Variants in KCNK2 observed in about 807,000 individuals in gnomAD.
KCNK2 encodes potassium two pore domain channel subfamily K member 2, also known as potassium channel subfamily K member 2.
KCNK2 carries 21 observed loss-of-function variants against 40.5 expected under a neutral mutation model. The ratio of observed to expected loss-of-function variants is 0.52; its 90% CI spans 0.37 to 0.75. The LOEUF (loss-of-function observed/expected upper bound fraction) is 0.75, where lower values mean the gene tolerates loss of function less well. Ranked by LOEUF, KCNK2 falls within the 30% of genes least tolerant of loss-of-function variation. The pLI is 0.00. For synonymous variants in KCNK2, 191 were observed against 202.2 expected, an observed-to-expected ratio of 0.94 and a Z score of 0.47; for missense variants, 399 against 531.6, an observed-to-expected ratio of 0.75 and a Z score of 2.45.
At chr1:215,037,814 G>A (rs925687137) in intron 1 of KCNK2, among the ~76,000 whole-genome samples, 3 of 151,450 alleles carry the variant, frequency 2.0e-5, no homozygotes, top group Admixed American at 1.3e-4. Flanking sequence ...AAATTGACTG[G>A]CATTGTTTTT....
chr1:215,201,125 G>A (rs1298879967), intron 6 of KCNK2, among the ~76,000 whole-genome samples: 1 of 152,142 alleles, frequency 6.6e-6, no homozygotes, highest in Admixed American at 6.6e-5. Flanking sequence ...GGTGTGGGAT[G>A]TGGAGACTAT....
rs534712159 is a variant in KCNK2, at chr1:215,109,568, G to T, written c.358-15065G>T. 1.5e-4 allele frequency among the ~76,000 whole-genome samples: 22 copies of T among 150,494 alleles called. 1 individual carries two copies. In the East Asian group the frequency reaches 4.1e-3, roughly 28 times the overall value. ...TCTTTTTCATTGTTGAGTATTATTT[G>T]TGTGTGTGTGTGTGTGCGTGCATGT... On this transcript the variant is annotated intron_variant, in intron 2 of 6. Coordinates refer to ENST00000444842, the MANE Select transcript of KCNK2 (RefSeq NM_001017425.3).
At chr1:215,064,158 G>A (rs1658455233) in intron 1 of KCNK2, among the ~76,000 whole-genome samples, 1 of 152,144 alleles carries the variant, frequency 6.6e-6, no homozygotes, top group African/African-American at 2.4e-5. Context: ...TTGTGGTAGT[G>A]CAAAGAAAAT....
At chr1:215,107,039 T>A (rs1374467172) in intron 2 of KCNK2, among the ~76,000 whole-genome samples, 2 of 152,040 alleles carry the variant, frequency 1.3e-5, no homozygotes, top group African/African-American at 4.8e-5. Context: ...GATTTTTTTT[T>A]TTTTAATTTT....
chr1:215,172,034 C>T lies in KCNK2; in HGVS notation c.674C>T (p.Ser225Leu). The T allele has an allele frequency of 6.2e-7, 1 of 1,613,148 alleles. No individual in the cohort carries two copies. Among genetic ancestry groups the T allele is most frequent in the Non-Finnish European group, 8.5e-7 (1 of 1,179,544 alleles). Residue 225 changes from serine to leucine, a missense_variant, in exon 5 of 7, where the codon TCA becomes TTA. Coordinates refer to ENST00000444842, the MANE Select transcript of KCNK2 (RefSeq NM_001017425.3). ...AGTCAGACCAAGATTCGCATCATCT[C>T]AACAATCATATTTATACTATTTGGC... ...NVSQTKIRII[S>L]TIIFILFGCV...
At chr1:215,157,112 G>A (rs1662966237) in intron 3 of KCNK2, among the ~76,000 whole-genome samples, 1 of 152,132 alleles carries the variant, frequency 6.6e-6, no homozygotes, top group East Asian at 1.9e-4. Flanking sequence ...CTTGGGGAGT[G>A]TAATTGGAGA....
At position 215,062,789 on chromosome 1, in the gene KCNK2, C is replaced by T. The variant is rs149243599; in HGVS notation, c.35-23579C>T. Among the ~76,000 whole-genome samples the T allele has an allele frequency of 9.9e-3, 1,499 of 151,870 alleles. 16 individuals carry two copies. Among genetic ancestry groups the T allele is most frequent in the Non-Finnish European group, 0.016 (1,083 of 67,938 alleles). The stretch of plus-strand genomic sequence containing the variant: ...TTGGTATTTTTAATTTTTGCTGATT[C>T]CAAACTCATTTATTCACTCTTTAAA... On this transcript the variant is annotated intron_variant, in intron 1 of 6. Coordinates refer to the KCNK2 transcript ENST00000391895.
At chr1:215,016,330 A>G (rs1265277901) in intron 1 of KCNK2, among the ~76,000 whole-genome samples, 1 of 152,142 alleles carries the variant, frequency 6.6e-6, no homozygotes, top group African/African-American at 2.4e-5. Context: ...AACTGGAGGC[A>G]TCACACTCCC....
chr1:215,026,064 TTTA>T (rs138209704), intron 1 of KCNK2, among the ~76,000 whole-genome samples: 2,700 of 152,138 alleles, frequency 0.018, 76 homozygotes, highest in African/African-American at 0.062. Flanking sequence ...AAAGTGATCA[TTTA>T]TTATTACTTC....
At chr1:215,057,314 C>T (rs2102504617) in intron 1 of KCNK2, among the ~76,000 whole-genome samples, 1 of 151,358 alleles carries the variant, frequency 6.6e-6, no homozygotes, top group African/African-American at 2.4e-5. Flanking sequence ...GTGCTTATAA[C>T]CCTGGTTAGG....
chr1:215,058,064 A>G (rs1371302041), intron 1 of KCNK2, among the ~76,000 whole-genome samples: 2 of 152,116 alleles, frequency 1.3e-5, no homozygotes, highest in Non-Finnish European at 2.9e-5. Flanking sequence ...AAAGTAGACT[A>G]TGAGGAATGA....
At chr1:215,083,645 G>C (rs1659287237) in intron 1 of KCNK2, 3 of 605,016 alleles carry the variant, frequency 5.0e-6, no homozygotes, top group Non-Finnish European at 8.8e-6. Flanking sequence ...CGGTGCCCGG[G>C]GTTTTTGCAT....
chr1:215,059,432 G>GT (rs1658292473), intron 1 of KCNK2, among the ~76,000 whole-genome samples: 1 of 138,212 alleles, frequency 7.2e-6, no homozygotes, highest in African/African-American at 2.5e-5. Flanking sequence ...CCCTTAATTT[G>GT]GTAAGTTAGT....
chr1:215,207,955 G>C (rs1005443210), intron 6 of KCNK2, among the ~76,000 whole-genome samples: 1 of 152,190 alleles, frequency 6.6e-6, no homozygotes, highest in Non-Finnish European at 1.5e-5. Context: ...GTGGAAAGCA[G>C]TGTGTGGCAA....
chr1:215,038,148 C>T (rs1657448136), intron 1 of KCNK2, among the ~76,000 whole-genome samples: 1 of 151,986 alleles, frequency 6.6e-6, no homozygotes, highest in Non-Finnish European at 1.5e-5. Context: ...TTCAACTTTT[C>T]AGAGATTAGA....
rs1023608056 is a variant in KCNK2, at chr1:215,162,873, TG to T, written c.476-6325del. ...TCAGGTAGCATGATACTGCCAGGTT[TG>T]TTTTTTTTTTTTATTAGGATCGTCT... On this transcript the variant is annotated intron_variant, in intron 3 of 6. Coordinates refer to ENST00000444842, the MANE Select transcript of KCNK2 (RefSeq NM_001017425.3). 8.7e-4 allele frequency among the ~76,000 whole-genome samples: 82 copies of T among 94,544 alleles called. 1 individual carries two copies. The South Asian group carries it at 0.022, about 25-fold the overall frequency. The allele number at this position is 94,544 out of a possible 152,430, so 62.0% of individuals were successfully genotyped here.
At chr1:215,044,826 T>TGTGTGCGC (rs142895602) in intron 1 of KCNK2, among the ~76,000 whole-genome samples, 4,707 of 140,580 alleles carry the variant, frequency 0.033, 104 homozygotes, top group Middle Eastern at 0.067. Flanking sequence ...TGTGTGTGTG[T>TGTGTGCGC]GCGCGCGCAC....
intron 1 of KCNK2, among the ~76,000 whole-genome samples, chr1:215,084,205 C>G (rs1427729770): frequency 7.6e-6 from 1 of 131,076 alleles, no homozygotes; most frequent in African/African-American, 3.0e-5. Flanking sequence ...CACACACACA[C>G]ACACACACAC....
chr1:215,135,045 T>A (rs1661841574), intron 3 of KCNK2, among the ~76,000 whole-genome samples: 1 of 152,174 alleles, frequency 6.6e-6, no homozygotes. Flanking sequence ...AGCTATGTTT[T>A]AACTTGATGG....
Sources: allele counts gnomAD v4.1 joint callset (sites outside exome capture counted in the v4.1 genomes callset), GRCh38; gene constraint gnomAD v4.1.1; transcripts MANE v1.5; gene names NCBI Gene and HGNC (gene_info 2026-07-23, HGNC 2026-07-21).